GSK3B: variants seen among roughly 807,000 people sequenced by gnomAD.
GSK3B encodes glycogen synthase kinase 3 beta.
Under a neutral mutation model 56.4 loss-of-function variants are expected in GSK3B, and 15 were observed. The ratio of observed to expected loss-of-function variants is 0.27; its 90% CI spans 0.18 to 0.41. GSK3B has a LOEUF of 0.41. Among genes scored for constraint, GSK3B ranks in the 10% least tolerant of loss-of-function variants. GSK3B has a pLI of 1.00. For synonymous variants in GSK3B, 181 were observed against 188.9 expected, an observed-to-expected ratio of 0.96 and a Z score of 0.34; for missense variants, 300 against 513.4, an observed-to-expected ratio of 0.58 and a Z score of 4.02.
At chr3:120,047,094 G>C (rs1473492710) in intron 1 of GSK3B, among the ~76,000 whole-genome samples, 2 of 152,066 alleles carry the variant, frequency 1.3e-5, no homozygotes, top group African/African-American at 4.8e-5. Flanking sequence ...AAATTCTAAA[G>C]CACAGACTCC....
At chr3:119,980,950 G>A (rs373202787) in intron 2 of GSK3B, among the ~76,000 whole-genome samples, 3 of 152,262 alleles carry the variant, frequency 2.0e-5, no homozygotes, top group South Asian at 2.1e-4. Context: ...GTCTGTGAAA[G>A]TCATGAAAAA....
chr3:120,089,493 C>G (rs1449060645), intron 1 of GSK3B, among the ~76,000 whole-genome samples: 1 of 152,154 alleles, frequency 6.6e-6, no homozygotes, highest in Non-Finnish European at 1.5e-5. Context: ...AATACGGAAA[C>G]TCTAAGTTGC....
At chr3:120,051,267 T>C (rs1268768779) in intron 1 of GSK3B, among the ~76,000 whole-genome samples, 2 of 151,302 alleles carry the variant, frequency 1.3e-5, no homozygotes, top group South Asian at 4.2e-4. Flanking sequence ...CAGATGAAAA[T>C]AGGCAACAGG....
At chr3:120,076,309 T>C (rs984686583) in intron 1 of GSK3B, among the ~76,000 whole-genome samples, 1 of 152,162 alleles carries the variant, frequency 6.6e-6, no homozygotes, top group Non-Finnish European at 1.5e-5. Flanking sequence ...CAATGACTTT[T>C]TCCATGACAC....
intron 1 of GSK3B, among the ~76,000 whole-genome samples, chr3:120,044,712 A>G (rs1052517833): frequency 2.0e-5 from 3 of 152,210 alleles, no homozygotes; most frequent in Non-Finnish European, 4.4e-5. Context: ...TATTAATTAC[A>G]CCAGAGATGC....
At chr3:120,016,244 A>G (rs2057825775) in intron 1 of GSK3B, among the ~76,000 whole-genome samples, 1 of 152,326 alleles carries the variant, frequency 6.6e-6, no homozygotes, top group Admixed American at 6.5e-5. Flanking sequence ...AAAGGTCAGT[A>G]GCTCTGAAGT....
At chr3:120,016,901 GAATA>G (rs1157029070) in intron 1 of GSK3B, among the ~76,000 whole-genome samples, 8 of 152,122 alleles carry the variant, frequency 5.3e-5, no homozygotes, top group African/African-American at 1.9e-4. Flanking sequence ...AACCCAAAGT[GAATA>G]AATATTTCAC....
chr3:120,023,827 C>T (rs1233089383), intron 1 of GSK3B, among the ~76,000 whole-genome samples: 1 of 152,154 alleles, frequency 6.6e-6, no homozygotes, highest in Non-Finnish European at 1.5e-5. Context: ...ATTAAGATCT[C>T]CATCAAAGCA....
intron 10 of GSK3B, among the ~76,000 whole-genome samples, chr3:119,841,462 CTT>C (rs1343982822): frequency 1.3e-5 from 2 of 152,072 alleles, no homozygotes; most frequent in East Asian, 3.8e-4. Context: ...GAGTTAGGGC[CTT>C]TTTCATGTTG....
At chr3:119,938,997 A>T (rs952880729) in intron 3 of GSK3B, among the ~76,000 whole-genome samples, 25 of 152,070 alleles carry the variant, frequency 1.6e-4, no homozygotes, top group African/African-American at 9.7e-5. Context: ...GTTAAAAAAA[A>T]AATAATTAAA....
At chr3:119,995,391 T>C (rs1270758054) in intron 2 of GSK3B, among the ~76,000 whole-genome samples, 2 of 151,820 alleles carry the variant, frequency 1.3e-5, no homozygotes, top group Non-Finnish European at 1.5e-5. Context: ...GTGTGATAAA[T>C]ATTAATATTT....
At chr3:120,012,252 T>G (rs2057784776) in intron 1 of GSK3B, among the ~76,000 whole-genome samples, 1 of 152,202 alleles carries the variant, frequency 6.6e-6, no homozygotes, top group Non-Finnish European at 1.5e-5. Context: ...ATTGGGCTAT[T>G]TCAGACCATA....
intron 7 of GSK3B, among the ~76,000 whole-genome samples, chr3:119,877,211 A>T (rs2056324338): frequency 6.6e-6 from 1 of 152,176 alleles, no homozygotes; most frequent in African/African-American, 2.4e-5. Context: ...TGCAATAATC[A>T]CATCTGAGAG....
Position 120,003,438 on chromosome 3 carries a change from T to A in GSK3B, c.89-1199A>T, listed in dbSNP as rs185510495. ...AAAATGTCTACTGTTTCTTCTCTCT[T>A]CCCTGACAAATCTAAAACCAATTCT... On this transcript the variant is annotated intron_variant, in intron 1 of 10. Transcript: ENST00000264235. Among the ~76,000 whole-genome samples, 5 of 152,356 alleles carry A rather than the reference T, an allele frequency of 3.3e-5. No individual in the cohort carries two copies. The East Asian group carries it at 9.6e-4, about 29-fold the overall frequency.
intron 10 of GSK3B, among the ~76,000 whole-genome samples, chr3:119,836,269 A>G (rs76976807): frequency 0.026 from 3,934 of 152,324 alleles, 172 homozygotes; most frequent in African/African-American, 0.089. Flanking sequence ...ATGCAAATAA[A>G]GTAACAGTAA....
intron 4 of GSK3B, among the ~76,000 whole-genome samples, chr3:119,919,085 T>A (rs1369607237): frequency 6.6e-6 from 1 of 152,220 alleles, no homozygotes; most frequent in African/African-American, 2.4e-5. Flanking sequence ...AGTCATCTGT[T>A]TTAGAGTTGC....
chr3:120,056,245 T>C (rs1019135973), intron 1 of GSK3B, among the ~76,000 whole-genome samples: 1 of 152,240 alleles, frequency 6.6e-6, no homozygotes, highest in Admixed American at 6.5e-5. Flanking sequence ...AAATGTCTCT[T>C]TTAATTTCTA....
At chr3:119,831,094 A>G (rs2055590794) in intron 10 of GSK3B, among the ~76,000 whole-genome samples, 2 of 152,206 alleles carry the variant, frequency 1.3e-5, no homozygotes. Flanking sequence ...AATAGGTACA[A>G]CTGTTACCTC....
chr3:119,864,926 C>A (rs1349623140), intron 8 of GSK3B, among the ~76,000 whole-genome samples: 2 of 152,160 alleles, frequency 1.3e-5, no homozygotes, highest in Non-Finnish European at 2.9e-5. Context: ...TAGTCAATTT[C>A]TTGGTTATGT....
Sources: allele counts gnomAD v4.1 joint callset (sites outside exome capture counted in the v4.1 genomes callset), GRCh38; gene constraint gnomAD v4.1.1; transcripts MANE v1.5; gene names NCBI Gene and HGNC (gene_info 2026-07-23, HGNC 2026-07-21).